UTP25: variants seen among roughly 807,000 people sequenced by gnomAD.
UTP25 encodes the protein U3 small nucleolar RNA-associated protein 25 homolog.
Under a neutral mutation model 78.9 loss-of-function variants are expected in UTP25, and 50 were observed. That is an observed-to-expected ratio of 0.63 (90% confidence interval 0.50 to 0.80). UTP25 has a LOEUF of 0.80. Ranked by LOEUF, UTP25 falls within the 30% of genes least tolerant of loss-of-function variation. The probability of loss-of-function intolerance (pLI) is 0.00; values close to 1 mark genes in which losing one functional copy is unlikely to be tolerated. For synonymous variants in UTP25, 329 were observed against 336.5 expected (o/e 0.98, Z 0.24); for missense variants, 846 against 911.3 (o/e 0.93, Z 0.92).
chr1:209,838,276 C>T (rs1215213011), intron 6 of UTP25, among the ~76,000 whole-genome samples: 1 of 152,180 alleles, frequency 6.6e-6, no homozygotes, highest in Non-Finnish European at 1.5e-5. Context: ...ATTTTTTAAG[C>T]ATCTTCGGTT....
intron 4 of UTP25, 124 bp from the exon 5 acceptor site, chr1:209,834,951 G>T: frequency 1.5e-6 from 1 of 686,980 alleles, no homozygotes; most frequent in East Asian, 3.0e-5. Context: ...GCCAGAGGGT[G>T]GGGAAAGTCA....
chr1:209,833,855 G>A (rs922328621), intron 4 of UTP25, among the ~76,000 whole-genome samples: 4 of 152,060 alleles, frequency 2.6e-5, no homozygotes, highest in Non-Finnish European at 5.9e-5. Context: ...TGACCAAATG[G>A]CAGTCACGTG....
chr1:209,844,867 G>A (rs1379686629), intron 11 of UTP25, among the ~76,000 whole-genome samples: 1 of 152,142 alleles, frequency 6.6e-6, no homozygotes, highest in East Asian at 1.9e-4. Context: ...CTTGCCTGTA[G>A]AGTTATGTAA....
At position 209,853,145 on chromosome 1, in the gene UTP25, A is replaced by G. The variant is rs924086346; in HGVS notation, c.*1698A>G. 3 of 152,232 alleles carry G rather than the reference A, an allele frequency of 2.0e-5. No homozygotes were observed. Among genetic ancestry groups the G allele is most frequent in the Admixed American group, 2.0e-4 (3 of 15,300 alleles). The allele number at this position is 152,232 out of a possible 1,614,324, so 9.4% of individuals were successfully genotyped here. Reference sequence around the variant, plus strand: ...TGGTAAGTAAAACCATTTATTCCATATTTAGATGGTTTTCTAAATTTCAGA... The same window carrying G: ...TGGTAAGTAAAACCATTTATTCCATGTTTAGATGGTTTTCTAAATTTCAGA... On this transcript the variant is annotated 3_prime_UTR_variant, in exon 12 of 12. Transcript: ENST00000491415.
At chr1:209,849,896 C>T (rs1188916601) in intron 11 of UTP25, among the ~76,000 whole-genome samples, 1 of 152,224 alleles carries the variant, frequency 6.6e-6, no homozygotes, top group Non-Finnish European at 1.5e-5. Flanking sequence ...CTCTTTGGAA[C>T]TCAGTCCATG....
At chr1:209,843,028 C>T (rs2078176452) in intron 10 of UTP25, 1 of 332,772 alleles carries the variant, frequency 3.0e-6, no homozygotes, top group Non-Finnish European at 5.5e-6. Context: ...AGGGAAAGAA[C>T]TATTTTTCTA....
intron 6 of UTP25, among the ~76,000 whole-genome samples, chr1:209,837,463 T>C (rs1331372939): frequency 1.3e-5 from 2 of 152,212 alleles, no homozygotes; most frequent in Non-Finnish European, 2.9e-5. Context: ...TCCTTAAAGA[T>C]AAACCCAGAG....
In UTP25 at chr1:209,835,151, C is replaced by A; in HGVS notation, c.639C>A (p.Thr213=). The change falls in exon 5 of 12, where the codon ACC becomes ACA. Residue 213 remains threonine, a synonymous_variant. Transcript: ENST00000491415. ...IQAVATNPKT[T]HELKWPILGQ... is the part of the protein sequence containing the mutation. ...CTGTTGCCACAAATCCCAAAACTAC[C>A]CACGAGCTTAAAGTAAGTGTTGCTT... The A allele has an allele frequency of 6.2e-7, 1 of 1,613,424 alleles. No individual in the cohort carries two copies. The highest frequency in any genetic ancestry group is 1.1e-5 in the South Asian group (1 of 91,044).
In UTP25 at chr1:209,840,847, G is replaced by A. The variant is rs756927156; in HGVS notation, c.1283-6G>A. 1.6e-5 allele frequency: 25 copies of A among 1,611,978 alleles called. No homozygotes were observed. The South Asian group carries it at 2.6e-4, about 17-fold the overall frequency. On this transcript the variant is annotated splice_region_variant and splice_polypyrimidine_tract_variant and intron_variant, in intron 7 of 11. Coordinates refer to ENST00000491415, the MANE Select transcript of UTP25 (RefSeq NM_014388.7). Reference sequence around the variant, plus strand: ...GAATTGGTGTGTACTTGGCTGTTTTGTGTAGGAGTGGCAATACTTCAGAGA... The same window carrying A: ...GAATTGGTGTGTACTTGGCTGTTTTATGTAGGAGTGGCAATACTTCAGAGA...
intron 8 of UTP25, among the ~76,000 whole-genome samples, chr1:209,841,389 A>G (rs1017786025): frequency 5.9e-5 from 9 of 152,228 alleles, no homozygotes; most frequent in Admixed American, 2.0e-4. Flanking sequence ...GGTCCTCACC[A>G]GGAACATCTT....
At chr1:209,842,180 T>C in intron 8 of UTP25, 85 bp from the exon 9 acceptor site, 1 of 1,384,644 alleles carries the variant, frequency 7.2e-7, no homozygotes, top group Non-Finnish European at 1.0e-6. Flanking sequence ...AGTACATGAG[T>C]TGATAGACTC....
chr1:209,837,720 C>A (rs2078142184), intron 6 of UTP25, among the ~76,000 whole-genome samples: 1 of 152,160 alleles, frequency 6.6e-6, no homozygotes, highest in Non-Finnish European at 1.5e-5. Flanking sequence ...TTACATTTGC[C>A]ACTGTAAAGT....
In UTP25 at chr1:209,833,360, T is replaced by G. The variant is rs2078114289; in HGVS notation, c.562+2T>G. 1.0e-5 allele frequency: 16 copies of G among 1,543,992 alleles called. No homozygotes were observed. The highest frequency in any genetic ancestry group is 1.2e-5 in the Non-Finnish European group (14 of 1,149,132). On this transcript the variant is annotated splice_donor_variant, in intron 4 of 11. Coordinates refer to ENST00000491415, the MANE Select transcript of UTP25 (RefSeq NM_014388.7). LOFTEE classifies it high-confidence loss of function. Reference sequence around the variant, plus strand: ...ACTCTTCTTTGAAAGCCTCTCAAGGTCATAGCACAGTGTGTGTTATTTGAA... The same window carrying G: ...ACTCTTCTTTGAAAGCCTCTCAAGGGCATAGCACAGTGTGTGTTATTTGAA...
In UTP25 at chr1:209,853,097, T is replaced by A. The variant is rs946923115; in HGVS notation, c.*1650T>A. On this transcript the variant is annotated 3_prime_UTR_variant, in exon 12 of 12. Transcript: ENST00000491415. ...AATATTTCTGCTAAATATTTAGACATTTTTACTTCTTTTTCTTCAGCATGG... is the reference window on the plus strand; with the variant it reads ...AATATTTCTGCTAAATATTTAGACAATTTTACTTCTTTTTCTTCAGCATGG... 1 of 152,294 alleles carries A rather than the reference T, an allele frequency of 6.6e-6. No homozygotes were observed. Among genetic ancestry groups the A allele is most frequent in the African/African-American group, 2.4e-5 (1 of 41,574 alleles). 9.4% of individuals were successfully genotyped at this position (152,294 alleles called of 1,614,324 possible).
rs1473034084 is a variant in UTP25 at position 209,852,207 on chromosome 1, C to A, written c.*760C>A. ...ACAGATGCAAATAAAAAGGAAATTA[C>A]ACTTTTAAAAACATTTTTATTTTGA... On this transcript the variant is annotated 3_prime_UTR_variant, in exon 12 of 12. Transcript: ENST00000491415. The A allele has an allele frequency of 6.6e-6, 1 of 152,150 alleles. No homozygotes were observed. Among genetic ancestry groups the A allele is most frequent in the African/African-American group, 2.4e-5 (1 of 41,442 alleles). 9.4% of individuals were successfully genotyped at this position (152,150 alleles called of 1,614,324 possible).
chr1:209,843,891 C>T, intron 11 of UTP25, 195 bp downstream of exon 11: 2 of 691,012 alleles, frequency 2.9e-6, no homozygotes, highest in Non-Finnish European at 4.7e-6. Flanking sequence ...CCAAAATGGG[C>T]ATTGCTGAAG....
intron 11 of UTP25, among the ~76,000 whole-genome samples, chr1:209,849,400 G>A (rs182263027): frequency 6.6e-6 from 1 of 152,078 alleles, no homozygotes; most frequent in East Asian, 1.9e-4. Context: ...AGTCTTGTGT[G>A]GGGGACAAAT....
intron 3 of UTP25, among the ~76,000 whole-genome samples, chr1:209,832,819 G>T (rs997335977): frequency 3.3e-5 from 5 of 152,210 alleles, no homozygotes; most frequent in African/African-American, 1.2e-4. Context: ...AAGAGGTGGA[G>T]GTTGCAGTGA....
Position 209,828,145 on chromosome 1 carries a change from G to A in UTP25, c.82G>A (p.Gly28Ser). Residue 28 changes from glycine to serine, a missense_variant, in exon 1 of 12, where the codon GGC becomes AGC. By Grantham distance (56) the Gly-to-Ser change is moderately conservative. Coordinates refer to ENST00000491415, the MANE Select transcript of UTP25 (RefSeq NM_014388.7). ...GCAGAAGAAACATCTTCGAGATTTC[G>A]GCGAGGAGCATCCCTTCTATGACAG... ...KKQKKHLRDF[G>S]EEHPFYDRVS... The A allele has an allele frequency of 6.2e-7, 1 of 1,614,112 alleles. No homozygotes were observed. The highest frequency in any genetic ancestry group is 8.5e-7 in the Non-Finnish European group (1 of 1,179,992).
Sources: allele counts gnomAD v4.1 joint callset (sites outside exome capture counted in the v4.1 genomes callset), GRCh38; gene constraint gnomAD v4.1.1; transcripts MANE v1.5; gene names NCBI Gene and HGNC (gene_info 2026-07-23, HGNC 2026-07-21).